CREB3L2: variants seen among roughly 807,000 people sequenced by gnomAD.
CREB3L2 encodes the protein cAMP responsive element binding protein 3 like 2.
In CREB3L2, 23 loss-of-function variants were observed where a neutral mutation model predicts 57.2. The ratio of observed to expected loss-of-function variants is 0.40; its 90% confidence interval spans 0.29 to 0.57. The LOEUF is 0.57. Ranked by LOEUF, CREB3L2 falls within the 20% of genes least tolerant of loss-of-function variation. The probability of loss-of-function intolerance (pLI) is 0.42; values close to 1 mark genes in which losing one functional copy is unlikely to be tolerated. For missense variants in CREB3L2, 628 were observed against 634.7 expected (o/e 0.99, Z 0.11); for synonymous variants, 268 against 265.1 (o/e 1.01, Z -0.11).
At position 137,922,598 on chromosome 7, in the gene CREB3L2, AAC is replaced by A. The variant is rs756595285; in HGVS notation, c.319+5550_319+5551del. Reference sequence around the variant, plus strand: ...GACGTACTACCACTTACATGAGAAAAACACATACGCAGTTGGTCCTTGAACAA... The same window carrying A: ...GACGTACTACCACTTACATGAGAAAAACATACGCAGTTGGTCCTTGAACAA... On this transcript the variant is annotated intron_variant, in intron 2 of 11. Transcript: ENST00000330387. 1.0e-3 allele frequency: 449 copies of A among 441,456 alleles called. 1 individual carries two copies. Among genetic ancestry groups the A allele is most frequent in the Non-Finnish European group, 1.4e-3 (314 of 218,008 alleles). 27.3% of individuals were successfully genotyped at this position (441,456 alleles called of 1,614,324 possible).
chr7:137,918,308 A>G (rs1327421885), intron 2 of CREB3L2, among the ~76,000 whole-genome samples: 1 of 152,140 alleles, frequency 6.6e-6, no homozygotes, highest in Non-Finnish European at 1.5e-5. Context: ...CTCCTGCCTC[A>G]GCCTCCTGAG....
intron 1 of CREB3L2, chr7:137,956,540 C>G (rs1189116278): frequency 9.8e-6 from 11 of 1,123,682 alleles, no homozygotes; most frequent in Non-Finnish European, 1.2e-5. Context: ...CCCACCTGAG[C>G]TGCTTTCAAA....
rs1585606248 is a variant in CREB3L2 at position 137,901,362 on chromosome 7, G to A, written c.1035C>T (p.Asn345=). The A allele has an allele frequency of 1.3e-6, 2 of 1,587,034 alleles. No individual in the cohort carries two copies. The highest frequency in any genetic ancestry group is 1.7e-6 in the Non-Finnish European group (2 of 1,155,968). ...ELRKKVEVLE[N]TNRTLLQQLQ... ...AGTCCAGTGACACTTACCTATTAGT[G>A]TTCTCTAGAACCTCTACCTTCTTCC... The change falls in exon 8 of 12, where the codon AAC becomes AAT. Residue 345 remains asparagine, a synonymous_variant. Transcript: ENST00000330387.
intron 1 of CREB3L2, among the ~76,000 whole-genome samples, chr7:137,964,266 A>C (rs1801372225): frequency 6.6e-6 from 1 of 152,234 alleles, no homozygotes; most frequent in African/African-American, 2.4e-5. Flanking sequence ...CAATGAGCCA[A>C]GATCATGTCA....
In CREB3L2 at chr7:137,999,102, TG is replaced by T. The variant is rs1389316569; in HGVS notation, c.102+2501del. On this transcript the variant is annotated intron_variant, in intron 1 of 11. Transcript: ENST00000330387. Reference sequence around the variant, plus strand: ...ACCAAAATGAGTAATCTGAAATACATGATATTAACACAGTCTCATGAAAATG... The same window carrying T: ...ACCAAAATGAGTAATCTGAAATACATATATTAACACAGTCTCATGAAAATG... 1.2e-3 allele frequency among the ~76,000 whole-genome samples: 9 copies of T among 7,268 alleles called. 1 individual carries two copies. The East Asian group carries it at 0.034, about 28-fold the overall frequency. The allele number at this position is 7,268 out of a possible 152,430, so 4.8% of individuals were successfully genotyped here.
intron 11 of CREB3L2, among the ~76,000 whole-genome samples, chr7:137,881,455 T>C (rs1291572318): frequency 1.3e-5 from 2 of 152,218 alleles, no homozygotes; most frequent in Non-Finnish European, 2.9e-5. Context: ...ATAACACTTC[T>C]GGTCCCAGGC....
intron 1 of CREB3L2, among the ~76,000 whole-genome samples, 184 bp from the exon 2 acceptor site, chr7:137,928,550 A>G (rs1800535137): frequency 6.7e-6 from 1 of 149,594 alleles, no homozygotes; most frequent in African/African-American, 2.5e-5. Flanking sequence ...TAACCATAAT[A>G]TTAATATATT....
intron 2 of CREB3L2, among the ~76,000 whole-genome samples, chr7:137,923,144 A>G (rs369089203): frequency 3.2e-4 from 49 of 152,294 alleles, no homozygotes; most frequent in African/African-American, 1.1e-3. Context: ...TTTTTCTTCA[A>G]TGGAGAAGTT....
chr7:137,973,892 T>C (rs1801560321), intron 1 of CREB3L2, among the ~76,000 whole-genome samples: 1 of 152,224 alleles, frequency 6.6e-6, no homozygotes, highest in South Asian at 2.1e-4. Context: ...GCATTGCATG[T>C]TCTGGGGAGT....
intron 8 of CREB3L2, among the ~76,000 whole-genome samples, chr7:137,900,859 T>A (rs529242195): frequency 9.2e-5 from 14 of 152,184 alleles, no homozygotes; most frequent in African/African-American, 3.1e-4. Context: ...CTAATAAGTA[T>A]CATTTGCTAC....
intron 10 of CREB3L2, 98 bp downstream of exon 10, chr7:137,884,896 AC>A: frequency 6.5e-7 from 1 of 1,529,732 alleles, no homozygotes. Context: ...CACTTTTTAA[AC>A]ATTGGACTTT....
chr7:137,953,060 G>C (rs1049399202), intron 1 of CREB3L2, among the ~76,000 whole-genome samples: 11 of 152,202 alleles, frequency 7.2e-5, no homozygotes, highest in Non-Finnish European at 1.3e-4. Context: ...CAAGTGATCT[G>C]CCTGCCTCGG....
chr7:137,964,321 CA>C (rs1173547659), intron 1 of CREB3L2, among the ~76,000 whole-genome samples: 7 of 152,208 alleles, frequency 4.6e-5, no homozygotes, highest in African/African-American at 1.7e-4. Context: ...CCTCTCAAAA[CA>C]AACAAAACAA....
intron 1 of CREB3L2, among the ~76,000 whole-genome samples, chr7:137,939,434 G>C (rs2117256110): frequency 6.6e-6 from 1 of 152,286 alleles, no homozygotes; most frequent in East Asian, 1.9e-4. Context: ...TTGGGCCTGA[G>C]AGAAGGGCAA....
At chr7:137,955,154 G>T in intron 1 of CREB3L2, 1 of 516,072 alleles carries the variant, frequency 1.9e-6, no homozygotes, top group Admixed American at 2.4e-5. Flanking sequence ...TTTTATAAGT[G>T]GTTACAGATA....
At chr7:137,930,504 G>A (rs549858518) in intron 1 of CREB3L2, among the ~76,000 whole-genome samples, 1 of 152,372 alleles carries the variant, frequency 6.6e-6, no homozygotes, top group African/African-American at 2.4e-5. Context: ...GATGTCCCTA[G>A]AGCTGGCGCT....
intron 1 of CREB3L2, among the ~76,000 whole-genome samples, chr7:137,932,141 TTC>T (rs1800658866): frequency 6.6e-6 from 1 of 152,214 alleles, no homozygotes; most frequent in African/African-American, 2.4e-5. Context: ...CTCTGCAATT[TTC>T]TTTTATCAAA....
At chr7:137,900,320 T>A (rs1799724387) in intron 8 of CREB3L2, among the ~76,000 whole-genome samples, 1 of 152,160 alleles carries the variant, frequency 6.6e-6, no homozygotes. Context: ...CTCTATATAG[T>A]GAGGATGATA....
In CREB3L2 at chr7:137,908,388, C is replaced by A. The variant is rs1324300282; in HGVS notation, c.632G>T (p.Gly211Val). Residue 211 changes from glycine (G) to valine (V), a missense_variant, in exon 5 of 12, where the codon GGC becomes GTC. Coordinates refer to ENST00000330387, the MANE Select transcript of CREB3L2 (RefSeq NM_194071.4). The part of the protein sequence containing the change: ...HLPPTPPSSH[G>V]SDSEGSLSPN... The stretch of plus-strand genomic sequence containing the variant: ...ACTCAGGCTGCCCTCTGAGTCACTG[C>A]CGTGACTGCTCGGAGGGGTGGGCGG... 2 of 1,262,454 alleles carry A rather than the reference C, an allele frequency of 1.6e-6. No individual in the cohort carries two copies. Among genetic ancestry groups the A allele is most frequent in the African/African-American group, 1.5e-5 (1 of 64,552 alleles). The allele number at this position is 1,262,454 out of a possible 1,614,324, so 78.2% of individuals were successfully genotyped here.
Sources: gnomAD v4.1 joint callset for allele counts (sites outside exome capture counted in the v4.1 genomes callset) on GRCh38, gnomAD v4.1.1 for gene constraint, MANE v1.5 for transcripts, NCBI Gene and HGNC (gene_info 2026-07-23, HGNC 2026-07-21) for gene names.